TMEM266: variants seen among roughly 807,000 people sequenced by gnomAD.
The protein encoded by TMEM266 is transmembrane protein 266.
TMEM266 carries 33 observed loss-of-function variants against 50.5 expected under a neutral mutation model. That is an observed-to-expected ratio of 0.65 (90% CI 0.50 to 0.87). The LOEUF is 0.87. TMEM266 is among the 40% of genes least tolerant of loss of function. TMEM266 has a pLI of 0.00. For synonymous variants in TMEM266, 310 were observed against 292.3 expected (o/e 1.06, Z -0.62); for missense variants, 655 against 695.1 (o/e 0.94, Z 0.65).
chr15:76,094,231 G>A (rs1158798129), intron 1 of TMEM266, among the ~76,000 whole-genome samples: 2 of 152,020 alleles, frequency 1.3e-5, no homozygotes, highest in Admixed American at 1.3e-4. Flanking sequence ...TTTTCTTCTA[G>A]GATTTTTATA....
In TMEM266 at chr15:76,134,169, G is replaced by A. The variant is rs1189022027; in HGVS notation, c.-95G>A. 8 of 1,377,878 alleles carry A rather than the reference G, an allele frequency of 5.8e-6. No individual in the cohort carries two copies. In the Admixed American group the frequency reaches 1.5e-4, roughly 26 times the overall value. The allele number at this position is 1,377,878 out of a possible 1,614,324, so 85.4% of individuals were successfully genotyped here. ...ATAAGTTCCTATTTTTGTTTTCAGGGCACTATATTTGTATGTGTCTTGTAG... is the reference window on the plus strand; with the variant it reads ...ATAAGTTCCTATTTTTGTTTTCAGGACACTATATTTGTATGTGTCTTGTAG... On this transcript the variant is annotated splice_region_variant and 5_prime_UTR_variant, in exon 2 of 11. Coordinates refer to ENST00000388942, the MANE Select transcript of TMEM266 (RefSeq NM_152335.3).
rs117364884 is a variant in TMEM266 at position 76,080,468 on chromosome 15, C to T, written c.-97+20452C>T. ...GGTTTCACTATGTTGGTCAGGTGGT[C>T]TCGAACTCCCGACCTTGTGATCCGC... On this transcript the variant is annotated intron_variant, in intron 1 of 10. Transcript: ENST00000388942. Among the ~76,000 whole-genome samples the T allele has an allele frequency of 2.9e-3, 444 of 150,954 alleles. 5 individuals are homozygous for T. The highest frequency in any genetic ancestry group is 0.017 in the East Asian group (85 of 4,972).
At chr15:76,091,406 C>G (rs924158971) in intron 1 of TMEM266, among the ~76,000 whole-genome samples, 15 of 151,806 alleles carry the variant, frequency 9.9e-5, no homozygotes, top group African/African-American at 3.6e-4. Flanking sequence ...GTTTAAGGGC[C>G]GGGAGTGGTG....
intron 3 of TMEM266, among the ~76,000 whole-genome samples, chr15:76,143,548 G>A (rs1246439666): frequency 2.6e-5 from 4 of 152,092 alleles, no homozygotes; most frequent in African/African-American, 4.8e-5. Flanking sequence ...TAGAGACAAG[G>A]TCTCGCCATG....
intron 1 of TMEM266, among the ~76,000 whole-genome samples, chr15:76,098,718 G>A (rs918522086): frequency 4.0e-5 from 6 of 151,144 alleles, no homozygotes; most frequent in African/African-American, 1.5e-4. Flanking sequence ...CCTTGGAGAT[G>A]GGGATTTTAT....
chr15:76,169,215 T>G (rs2038148023), intron 5 of TMEM266, among the ~76,000 whole-genome samples: 1 of 151,986 alleles, frequency 6.6e-6, no homozygotes, highest in Admixed American at 6.5e-5. Context: ...TTGCTACCCA[T>G]TGGCCAGAAT....
chr15:76,099,420 G>A (rs2036966832), intron 1 of TMEM266, among the ~76,000 whole-genome samples: 1 of 152,212 alleles, frequency 6.6e-6, no homozygotes, highest in Non-Finnish European at 1.5e-5. Flanking sequence ...TGTCCAACGA[G>A]TCCCAGTGAG....
intron 8 of TMEM266, among the ~76,000 whole-genome samples, chr15:76,180,038 T>C (rs1445409209): frequency 2.0e-5 from 3 of 152,248 alleles, no homozygotes. Context: ...ATTTCAACTA[T>C]TTGCCACAAC....
At chr15:76,116,252 A>C (rs1461985765) in intron 1 of TMEM266, among the ~76,000 whole-genome samples, 2 of 142,680 alleles carry the variant, frequency 1.4e-5, no homozygotes, top group African/African-American at 5.4e-5. Context: ...CTTGTCTAAG[A>C]TCCTGCTCCC....
In TMEM266 at chr15:76,168,752, G is replaced by T. The variant is rs1422962202; in HGVS notation, c.457-1064G>T. Among the ~76,000 whole-genome samples, 2 of 152,208 alleles carry T rather than the reference G, an allele frequency of 1.3e-5. No homozygotes were observed. Among genetic ancestry groups the T allele is most frequent in the Non-Finnish European group, 2.9e-5 (2 of 68,040 alleles). Reference sequence around the variant, plus strand: ...GACCAGGTCCCTTGAGCCTCCACTGGGGGATGGGGAGGGAATCAGCACAAG... The same window carrying T: ...GACCAGGTCCCTTGAGCCTCCACTGTGGGATGGGGAGGGAATCAGCACAAG... On this transcript the variant is annotated intron_variant, in intron 5 of 10. Coordinates refer to ENST00000388942, the MANE Select transcript of TMEM266 (RefSeq NM_152335.3). The surrounding 1 kb of genome is among the most constrained non-coding windows in gnomAD (Gnocchi z 4.4).
chr15:76,099,418 G>C (rs1027167414), intron 1 of TMEM266, among the ~76,000 whole-genome samples: 5 of 152,218 alleles, frequency 3.3e-5, no homozygotes, highest in African/African-American at 1.2e-4. Flanking sequence ...ACTGTCCAAC[G>C]AGTCCCAGTG....
chr15:76,088,816 G>T (rs541433123), intron 1 of TMEM266, among the ~76,000 whole-genome samples: 1 of 150,258 alleles, frequency 6.7e-6, no homozygotes, highest in East Asian at 2.0e-4. Flanking sequence ...AAAAAAGGCG[G>T]GGCATGGTGG....
At chr15:76,183,486 G>T (rs1352411216) in intron 8 of TMEM266, among the ~76,000 whole-genome samples, 1 of 152,174 alleles carries the variant, frequency 6.6e-6, no homozygotes, top group Middle Eastern at 3.2e-3. Flanking sequence ...GGGGAATTGG[G>T]CACAGCAGGT....
At chr15:76,198,326 G>GGACTGCACAGCACAGTCCCTTGT (rs2038687187) in intron 9 of TMEM266, among the ~76,000 whole-genome samples, 1 of 152,162 alleles carries the variant, frequency 6.6e-6, no homozygotes. Context: ...CAGTCCCTTG[G>GGACTGCACAGCACAGTCCCTTGT]GGGTTCTTCC....
At chr15:76,173,697 C>G (rs2038222131) in intron 7 of TMEM266, among the ~76,000 whole-genome samples, 1 of 152,130 alleles carries the variant, frequency 6.6e-6, no homozygotes, top group African/African-American at 2.4e-5. Flanking sequence ...TTTTGGGAGG[C>G]TGAGGCAGGC....
chr15:76,072,156 C>T (rs572979366), intron 1 of TMEM266, among the ~76,000 whole-genome samples: 8 of 151,882 alleles, frequency 5.3e-5, no homozygotes, highest in Admixed American at 2.6e-4. Flanking sequence ...AGCACTGGAC[C>T]GGCCGGGTGC....
chr15:76,077,214 C>T lies in TMEM266; in HGVS notation c.-97+17198C>T, dbSNP rs116652653. Among the ~76,000 whole-genome samples, 245 of 152,140 alleles carry T rather than the reference C, an allele frequency of 1.6e-3. 4 individuals carry two copies. Among genetic ancestry groups the T allele is most frequent in the African/African-American group, 5.5e-3 (228 of 41,446 alleles). On this transcript the variant is annotated intron_variant, in intron 1 of 10. Coordinates refer to ENST00000388942, the MANE Select transcript of TMEM266 (RefSeq NM_152335.3). ...TCCTGAGCTCAAAGTGATCAATCCA[C>T]CTTGGCCTCCCAAAGTTCGGGGATT...
chr15:76,103,990 G>A (rs189306232), intron 1 of TMEM266, among the ~76,000 whole-genome samples: 2,686 of 141,024 alleles, frequency 0.019, 35 homozygotes, highest in Non-Finnish European at 0.032. Flanking sequence ...GGCAGATCAC[G>A]AGGTCAGGAG....
chr15:76,132,971 C>T (rs2037534937), intron 1 of TMEM266, among the ~76,000 whole-genome samples: 1 of 150,840 alleles, frequency 6.6e-6, no homozygotes, highest in Non-Finnish European at 1.5e-5. Flanking sequence ...CCCGACTCTA[C>T]CAAAAGTCCA....
Sources: gnomAD v4.1 joint callset for allele counts (sites outside exome capture counted in the v4.1 genomes callset) on GRCh38, gnomAD v4.1.1 for gene constraint, Gnocchi (gnomAD v3.1) non-coding constraint, MANE v1.5 for transcripts, NCBI Gene and HGNC (gene_info 2026-07-23, HGNC 2026-07-21) for gene names.